RASEF: variants seen among roughly 807,000 people sequenced by gnomAD.
RASEF encodes RAS and EF-hand domain containing, also known as ras and EF-hand domain-containing protein.
RASEF carries 68 observed loss-of-function variants against 90.1 expected under a neutral mutation model. The observed-to-expected ratio is 0.75, with a 90% CI of 0.62 to 0.92. The LOEUF is 0.92. Ranked by LOEUF, RASEF falls within the 40% of genes least tolerant of loss-of-function variation. RASEF has a pLI of 0.00. For missense variants in RASEF, 949 were observed against 937.2 expected (o/e 1.01, Z -0.16); for synonymous variants, 331 against 345.2 (o/e 0.96, Z 0.46).
chr9:83,176,286 T>A, the RASEF span, among the ~76,000 whole-genome samples: 1 of 152,322 alleles, frequency 6.6e-6, no homozygotes, highest in South Asian at 2.1e-4. Flanking sequence ...TAATATCTGT[T>A]TGTCTCATAT....
chr9:83,030,588 A>G (rs2118595767), intron 1 of RASEF, among the ~76,000 whole-genome samples: 1 of 152,328 alleles, frequency 6.6e-6, no homozygotes, highest in South Asian at 2.1e-4. Context: ...GAATAATTAC[A>G]GGAAATGTCT....
At chr9:83,100,540 G>T in the RASEF span, among the ~76,000 whole-genome samples, 1 of 152,150 alleles carries the variant, frequency 6.6e-6, no homozygotes, top group Non-Finnish European at 1.5e-5. Flanking sequence ...ATGAAAATCA[G>T]CCCATCTCAT....
Position 83,062,848 on chromosome 9 carries a change from C to G in RASEF, c.20G>C (p.Gly7Ala). Residue 7 changes from glycine (G) to alanine (A), a missense_variant, in exon 1 of 17, where the codon GGA becomes GCA. By Grantham distance (60) the Gly-to-Ala change is moderately conservative (BLOSUM62 0). Coordinates refer to ENST00000376447, the MANE Select transcript of RASEF (RefSeq NM_152573.4). MEADGDGEELARLRSVF... is the reference protein window; with the variant it reads MEADGDAEELARLRSVF... ...TGAGCGCAGCCGGGCCAGCTCCTCT[C>G]CGTCCCCATCCGCCTCCATCCCGCC... is the stretch of plus-strand genomic sequence containing the variant. 1 of 1,530,368 alleles carries G rather than the reference C, an allele frequency of 6.5e-7. No individual in the cohort carries two copies. The highest frequency in any genetic ancestry group is 8.7e-7 in the Non-Finnish European group (1 of 1,149,370). 94.8% of individuals were successfully genotyped at this position (1,530,368 alleles called of 1,614,324 possible). A position where few individuals can be genotyped will look rare whatever the true frequency, so the allele number is the denominator to read the frequency against.
chr9:83,149,894 ATTCAATTCAATTCTAACACTAACTAC>A, the RASEF span, among the ~76,000 whole-genome samples: 1 of 152,162 alleles, frequency 6.6e-6, no homozygotes, highest in Admixed American at 6.5e-5. Context: ...GTCATCTAGA[ATTCAATTCAATTCTAACACTAACTAC>A]CAGGACGTCA....
chr9:83,049,442 G>A (rs1400557964), intron 1 of RASEF: 1 of 610,122 alleles, frequency 1.6e-6, no homozygotes, highest in Non-Finnish European at 2.0e-6. Flanking sequence ...TTTCTATTTA[G>A]ACCACAGAAA....
In RASEF at chr9:83,015,750, T is replaced by C. The variant is rs114547943; in HGVS notation, c.765+55A>G. 4,574 of 1,266,024 alleles carry C rather than the reference T, an allele frequency of 3.6e-3. 139 individuals are homozygous for C. In the African/African-American group the frequency reaches 0.059, roughly 16 times the overall value. The allele number at this position is 1,266,024 out of a possible 1,614,324, so 78.4% of individuals were successfully genotyped here. A position where few individuals can be genotyped will look rare whatever the true frequency, so the allele number is the denominator to read the frequency against. On this transcript the variant is annotated intron_variant, in intron 4 of 16. Coordinates refer to ENST00000376447, the MANE Select transcript of RASEF (RefSeq NM_152573.4). ...CAAATGTTTTTGGTTGTTAATGGCT[T>C]AGATACCCTGAGATGCTGAGGCTGT...
chr9:83,162,626 G>A, the RASEF span, among the ~76,000 whole-genome samples: 5 of 152,310 alleles, frequency 3.3e-5, no homozygotes, highest in Admixed American at 3.3e-4. Flanking sequence ...CTGAAAGACT[G>A]AAAAACCAAC....
the RASEF span, among the ~76,000 whole-genome samples, chr9:83,197,780 G>A: frequency 1.2e-3 from 189 of 152,158 alleles, 1 homozygote; most frequent in African/African-American, 4.3e-3. Flanking sequence ...TTTTGCTTCC[G>A]TTAGTCTGAC....
At chr9:83,038,500 T>C (rs928657109) in intron 1 of RASEF, among the ~76,000 whole-genome samples, 15 of 152,120 alleles carry the variant, frequency 9.9e-5, no homozygotes, top group Non-Finnish European at 2.2e-4. Flanking sequence ...TACGACCACA[T>C]TGAACGAAGA....
chr9:83,180,034 G>T, the RASEF span, among the ~76,000 whole-genome samples: 1 of 136,336 alleles, frequency 7.3e-6, no homozygotes. Flanking sequence ...TACACCCTTA[G>T]AGAGTGCATT....
chr9:83,135,538 A>G, the RASEF span, among the ~76,000 whole-genome samples: 1 of 152,188 alleles, frequency 6.6e-6, no homozygotes, highest in Non-Finnish European at 1.5e-5. Flanking sequence ...TGCACACTTT[A>G]AAAGGGTGAG....
chr9:83,079,056 A>C, the RASEF span, among the ~76,000 whole-genome samples: 1 of 152,126 alleles, frequency 6.6e-6, no homozygotes, highest in Non-Finnish European at 1.5e-5. Context: ...CTTAAGTTTA[A>C]TTAGATCCTA....
chr9:83,029,126 A>G (rs1355849440), intron 1 of RASEF, among the ~76,000 whole-genome samples: 2 of 152,214 alleles, frequency 1.3e-5, no homozygotes, highest in East Asian at 1.9e-4. Flanking sequence ...AACAAATACC[A>G]TATAGGGCCC....
rs1587533057 is a variant in RASEF at position 83,062,845 on chromosome 9, T to A, written c.23A>T (p.Glu8Val). ...GACTGAGCGCAGCCGGGCCAGCTCC[T>A]CTCCGTCCCCATCCGCCTCCATCCC... is the stretch of plus-strand genomic sequence containing the variant. MEADGDG[E>V]ELARLRSVFA... Residue 8 changes from glutamate (E) to valine (V), a missense_variant, in exon 1 of 17, where the codon GAG becomes GTG. Transcript: ENST00000376447. 1 of 1,536,616 alleles carries A rather than the reference T, an allele frequency of 6.5e-7. No homozygotes were observed. The highest frequency in any genetic ancestry group is 2.6e-5 in the East Asian group (1 of 39,012).
chr9:83,134,911 A>G, the RASEF span, among the ~76,000 whole-genome samples: 2 of 152,154 alleles, frequency 1.3e-5, no homozygotes, highest in Admixed American at 6.5e-5. Flanking sequence ...CAGCCATAAA[A>G]AGGAATGAAG....
the RASEF span, among the ~76,000 whole-genome samples, chr9:83,086,207 T>G: frequency 7.2e-5 from 11 of 152,164 alleles, no homozygotes; most frequent in Non-Finnish European, 1.6e-4. Context: ...ACCATGTATT[T>G]AGAAGCTTCA....
the RASEF span, among the ~76,000 whole-genome samples, chr9:83,100,842 T>C: frequency 6.6e-6 from 1 of 152,210 alleles, no homozygotes; most frequent in Non-Finnish European, 1.5e-5. Flanking sequence ...CAATAAATGA[T>C]AACTATTATC....
At chr9:82,996,594 G>A (rs890493734) in intron 14 of RASEF, among the ~76,000 whole-genome samples, 1 of 152,084 alleles carries the variant, frequency 6.6e-6, no homozygotes, top group African/African-American at 2.4e-5. Flanking sequence ...GAAACTTGAC[G>A]CACGCTCATA....
chr9:83,061,119 G>A lies in RASEF; in HGVS notation c.431+1318C>T, dbSNP rs142388642. Among the ~76,000 whole-genome samples, 582 of 152,266 alleles carry A rather than the reference G, an allele frequency of 3.8e-3. 1 individual carries two copies. Among genetic ancestry groups the A allele is most frequent in the Admixed American group, 7.1e-3 (108 of 15,292 alleles). On this transcript the variant is annotated intron_variant, in intron 1 of 16. Transcript: ENST00000376447. The stretch of plus-strand genomic sequence containing the variant: ...CACCCAAACTAAGTTACAGATGAAA[G>A]ATGACTCAAATAAAGAGTATAGGTT...
Sources: allele counts gnomAD v4.1 joint callset (sites outside exome capture counted in the v4.1 genomes callset), GRCh38; gene constraint gnomAD v4.1.1; transcripts MANE v1.5; gene names NCBI Gene and HGNC (gene_info 2026-07-23, HGNC 2026-07-21).